VIPR1: variants seen among roughly 807,000 people sequenced by gnomAD.
VIPR1 encodes the protein vasoactive intestinal polypeptide receptor 1.
Under a neutral mutation model 58.8 loss-of-function variants are expected in VIPR1, and 59 were observed. That is an observed-to-expected ratio of 1.00 (90% CI 0.81 to 1.25). The LOEUF (loss-of-function observed/expected upper bound fraction) is 1.25, where lower values mean the gene tolerates loss of function less well. VIPR1 is among the 50% of genes most tolerant of loss of function. The pLI, the probability that VIPR1 is intolerant of heterozygous loss-of-function variation, is 0.00. For synonymous variants in VIPR1, 251 were observed against 242.1 expected, an observed-to-expected ratio of 1.04 and a Z score of -0.34; for missense variants, 626 against 602.7, an observed-to-expected ratio of 1.04 and a Z score of -0.40.
At chr3:42,511,671 A>C (rs1700370236) in intron 1 of VIPR1, 1 of 152,368 alleles carries the variant, frequency 6.6e-6, no homozygotes, top group South Asian at 2.1e-4. Context: ...GCCAGAAAGC[A>C]GAAAGAACCC....
At chr3:42,511,908 C>A (rs553870427) in intron 1 of VIPR1, 3 of 152,186 alleles carry the variant, frequency 2.0e-5, no homozygotes, top group African/African-American at 7.2e-5. Context: ...GCCTGAGTAA[C>A]CCTTATGGGA....
intron 10 of VIPR1, 135 bp from the exon 11 acceptor site, chr3:42,534,840 G>A (rs897795006): frequency 1.7e-6 from 2 of 1,167,120 alleles, no homozygotes; most frequent in Non-Finnish European, 2.4e-6. Context: ...ATATTCAGAG[G>A]AACCTACAGT....
At chr3:42,496,183 G>T (rs1473872468) in intron 1 of VIPR1, among the ~76,000 whole-genome samples, 3 of 152,098 alleles carry the variant, frequency 2.0e-5, no homozygotes, top group Non-Finnish European at 4.4e-5. Flanking sequence ...GTTGCAGTGA[G>T]CCAAGATTGT....
Position 42,528,011 on chromosome 3 carries a change from A to T in VIPR1, c.524A>T (p.Asn175Ile). ...SLFRKLHCTR[N>I]YIHMHLFISF... Reference sequence around the variant, plus strand: ...CACAGGAAGCTCCACTGCACGCGGAACTACATCCACATGCACCTCTTCATA... The same window carrying T: ...CACAGGAAGCTCCACTGCACGCGGATCTACATCCACATGCACCTCTTCATA... The change falls in exon 6 of 13, where the codon AAC becomes ATC. Residue 175 changes from asparagine (N) to isoleucine (I), a missense_variant. Coordinates refer to ENST00000325123, the MANE Select transcript of VIPR1 (RefSeq NM_004624.4). 2 of 1,614,032 alleles carry T rather than the reference A, an allele frequency of 1.2e-6. No homozygotes were observed. The highest frequency in any genetic ancestry group is 8.5e-7 in the Non-Finnish European group (1 of 1,179,942).
At chr3:42,533,433 G>GT (rs1701678721) in intron 10 of VIPR1, 2 of 137,306 alleles carry the variant, frequency 1.5e-5, no homozygotes, top group Admixed American at 1.5e-4. Context: ...GGGGGGACGG[G>GT]GGGGGCATCT....
At chr3:42,532,368 C>G (rs1038436326) in intron 10 of VIPR1, 35 bp downstream of exon 10, 3 of 1,588,004 alleles carry the variant, frequency 1.9e-6, no homozygotes, top group Non-Finnish European at 2.6e-6. Context: ...CCCCCAGTAC[C>G]TCCATCCCCA....
intron 6 of VIPR1, 90 bp from the exon 7 acceptor site, chr3:42,530,689 C>A: frequency 6.9e-7 from 1 of 1,454,332 alleles, no homozygotes; most frequent in Non-Finnish European, 9.4e-7. Context: ...GGCTGCACTG[C>A]AACTGTGTTT....
At position 42,536,408 on chromosome 3, in the gene VIPR1, C is replaced by T. The variant is rs1701852576; in HGVS notation, c.*127C>T. 6.7e-6 allele frequency: 7 copies of T among 1,044,826 alleles called. No homozygotes were observed. Among genetic ancestry groups the T allele is most frequent in the Non-Finnish European group, 7.9e-6 (6 of 755,118 alleles). The allele number at this position is 1,044,826 out of a possible 1,614,324, so 64.7% of individuals were successfully genotyped here. ...CCCTGGGCTCGGAGGCTGCCCCCGG[C>T]CCCCTGGTCTCTGGTCCGGACACTC... On this transcript the variant is annotated 3_prime_UTR_variant, in exon 13 of 13. Coordinates refer to ENST00000325123, the MANE Select transcript of VIPR1 (RefSeq NM_004624.4).
intron 1 of VIPR1, among the ~76,000 whole-genome samples, chr3:42,495,072 CCA>C (rs1273891240): frequency 6.6e-6 from 1 of 151,322 alleles, no homozygotes; most frequent in Non-Finnish European, 1.5e-5. Flanking sequence ...TATCCGTCAC[CCA>C]GTTTTATTAG....
intron 1 of VIPR1, chr3:42,508,138 G>C (rs890771814): frequency 6.6e-6 from 1 of 152,224 alleles, no homozygotes; most frequent in African/African-American, 2.4e-5. Flanking sequence ...GGTTATGCAA[G>C]GCACTACGGC....
intron 3 of VIPR1, among the ~76,000 whole-genome samples, chr3:42,523,792 C>T (rs1404257169): frequency 6.6e-6 from 1 of 152,124 alleles, no homozygotes; most frequent in Non-Finnish European, 1.5e-5. Context: ...GTCCCAGCTT[C>T]AAGGCTGGGT....
chr3:42,503,911 T>A (rs1254942852), intron 1 of VIPR1, among the ~76,000 whole-genome samples: 1 of 152,164 alleles, frequency 6.6e-6, no homozygotes, highest in Non-Finnish European at 1.5e-5. Flanking sequence ...CCATGGTCAC[T>A]TCCCTTACCA....
chr3:42,532,141 G>A (rs527421585), intron 9 of VIPR1, 101 bp from the exon 10 acceptor site: 2 of 1,226,792 alleles, frequency 1.6e-6, no homozygotes, highest in Non-Finnish European at 1.2e-6. Context: ...TAGAGAGAGG[G>A]GCAGCAGGAC....
intron 1 of VIPR1, among the ~76,000 whole-genome samples, chr3:42,494,665 T>G (rs1699726294): frequency 6.6e-6 from 1 of 152,256 alleles, no homozygotes; most frequent in Non-Finnish European, 1.5e-5. Context: ...ACTGGTCTGC[T>G]CAAGAGGAAA....
intron 1 of VIPR1, among the ~76,000 whole-genome samples, chr3:42,510,718 T>C (rs552813137): frequency 4.6e-5 from 7 of 152,080 alleles, no homozygotes; most frequent in Non-Finnish European, 8.8e-5. Flanking sequence ...CTAAACTAAA[T>C]TGTGACAAAG....
intron 2 of VIPR1, among the ~76,000 whole-genome samples, chr3:42,515,395 C>T (rs954862318): frequency 6.6e-6 from 1 of 152,192 alleles, no homozygotes; most frequent in African/African-American, 2.4e-5. Flanking sequence ...ACCTACAGGC[C>T]CCACCCCACT....
In VIPR1 at chr3:42,502,682, G is replaced by A. The variant is rs1039311966; in HGVS notation, c.-54G>A. 2 of 1,243,664 alleles carry A rather than the reference G, an allele frequency of 1.6e-6. No homozygotes were observed. Among genetic ancestry groups the A allele is most frequent in the Admixed American group, 8.6e-5 (2 of 23,304 alleles). 77.0% of individuals were successfully genotyped at this position (1,243,664 alleles called of 1,614,324 possible). ...CCGGCCATCGCCCGCCTGGTGCGCC[G>A]CCCGCCAGCTCTTTGCCCGCGCGGG... On this transcript the variant is annotated 5_prime_UTR_variant, in exon 1 of 13. Transcript: ENST00000325123.
At chr3:42,531,644 C>A in intron 8 of VIPR1, 113 bp downstream of exon 8, 1 of 1,558,996 alleles carries the variant, frequency 6.4e-7, no homozygotes, top group Non-Finnish European at 8.8e-7. Context: ...AGCTCTCGGG[C>A]CAGAGGGGAG....
At chr3:42,526,956 C>T (rs764554424) in intron 4 of VIPR1, among the ~76,000 whole-genome samples, 18 of 152,164 alleles carry the variant, frequency 1.2e-4, no homozygotes, top group Non-Finnish European at 2.5e-4. Context: ...CCCGCAACCT[C>T]GCATACCTCT....
Sources: allele counts gnomAD v4.1 joint callset (sites outside exome capture counted in the v4.1 genomes callset), GRCh38; gene constraint gnomAD v4.1.1; transcripts MANE v1.5; gene names NCBI Gene and HGNC (gene_info 2026-07-23, HGNC 2026-07-21).